EPHB2: variants seen among roughly 807,000 people sequenced by gnomAD.
The protein encoded by EPHB2 is EPH receptor B2.
Under a neutral mutation model 96.4 loss-of-function variants are expected in EPHB2, and 18 were observed. The ratio of observed to expected loss-of-function variants is 0.19; its 90% CI spans 0.13 to 0.28. EPHB2 has a LOEUF of 0.28. Ranked by LOEUF, EPHB2 falls within the 10% of genes least tolerant of loss-of-function variation. EPHB2 has a pLI of 1.00. For synonymous variants in EPHB2, 506 were observed against 534.1 expected (o/e 0.95, Z 0.72); for missense variants, 989 against 1,355.4 (o/e 0.73, Z 4.25).
At chr1:22,723,152 C>T (rs1422784579) in intron 1 of EPHB2, among the ~76,000 whole-genome samples, 4 of 152,138 alleles carry the variant, frequency 2.6e-5, no homozygotes, top group Non-Finnish European at 5.9e-5. Flanking sequence ...CATGGGAAGC[C>T]GGAAGGACAA....
intron 1 of EPHB2, among the ~76,000 whole-genome samples, chr1:22,764,082 G>T (rs889228916): frequency 6.6e-6 from 1 of 152,146 alleles, no homozygotes; most frequent in Non-Finnish European, 1.5e-5. Context: ...CTGTTGCTAC[G>T]TAAGGCAACA....
chr1:22,769,930 G>T (rs1473133479), intron 1 of EPHB2, among the ~76,000 whole-genome samples: 1 of 152,224 alleles, frequency 6.6e-6, no homozygotes, highest in East Asian at 1.9e-4. Context: ...GGGATGCTGG[G>T]CATAGGGGTG....
intron 1 of EPHB2, among the ~76,000 whole-genome samples, chr1:22,720,663 C>CCCCCT (rs927979953): frequency 1.0e-5 from 1 of 99,194 alleles, no homozygotes; most frequent in Non-Finnish European, 2.2e-5. Flanking sequence ...ATCTCATTCC[C>CCCCCT]CCCCCCCCCC....
intron 5 of EPHB2, among the ~76,000 whole-genome samples, chr1:22,876,093 C>T (rs1007700831): frequency 7.9e-5 from 12 of 152,076 alleles, no homozygotes; most frequent in African/African-American, 2.7e-4. Flanking sequence ...AGTGGGAAGC[C>T]GCTGAGGGTC....
intron 3 of EPHB2, among the ~76,000 whole-genome samples, chr1:22,822,540 T>C (rs1019125584): frequency 3.9e-5 from 6 of 152,254 alleles, no homozygotes; most frequent in African/African-American, 4.8e-5. Flanking sequence ...GTCTCTTAAA[T>C]TCCTTCTTCC....
At chr1:22,754,388 C>T (rs1053471642) in intron 1 of EPHB2, among the ~76,000 whole-genome samples, 4 of 152,188 alleles carry the variant, frequency 2.6e-5, no homozygotes, top group African/African-American at 9.7e-5. Context: ...ACACCAGCAT[C>T]TCTTGACACC....
At chr1:22,869,136 C>G (rs780372925) in intron 5 of EPHB2, among the ~76,000 whole-genome samples, 2 of 151,988 alleles carry the variant, frequency 1.3e-5, no homozygotes, top group Non-Finnish European at 2.9e-5. Flanking sequence ...CCTTGTCTTA[C>G]AGCTGCTCAG....
intron 3 of EPHB2, among the ~76,000 whole-genome samples, chr1:22,833,911 T>C (rs1327202666): frequency 6.6e-6 from 1 of 152,100 alleles, no homozygotes; most frequent in Non-Finnish European, 1.5e-5. Context: ...GCAAATATTC[T>C]CTAGAATAAA....
chr1:22,839,285 A>C (rs1394203037), intron 3 of EPHB2, among the ~76,000 whole-genome samples: 1 of 152,098 alleles, frequency 6.6e-6, no homozygotes, highest in Non-Finnish European at 1.5e-5. Flanking sequence ...ATGCATACCA[A>C]CCCTAAATCC....
chr1:22,886,856 C>T (rs928607112), intron 6 of EPHB2, among the ~76,000 whole-genome samples: 6 of 151,946 alleles, frequency 3.9e-5, no homozygotes, highest in Non-Finnish European at 8.8e-5. Flanking sequence ...AAACTTCTGA[C>T]CTCAGGTGAT....
At chr1:22,809,120 G>A (rs866490412) in intron 3 of EPHB2, among the ~76,000 whole-genome samples, 3 of 152,348 alleles carry the variant, frequency 2.0e-5, no homozygotes, top group Middle Eastern at 6.8e-3. Flanking sequence ...GCCTCTGCAG[G>A]CCCTTTTAAG....
At chr1:22,718,595 G>A (rs1643354082) in intron 1 of EPHB2, among the ~76,000 whole-genome samples, 1 of 151,858 alleles carries the variant, frequency 6.6e-6, no homozygotes, top group Non-Finnish European at 1.5e-5. Flanking sequence ...CACTATGTTG[G>A]TCAGGCTGGT....
rs372620832 is a variant in EPHB2, at chr1:22,863,044, A to G, written c.819A>G (p.Pro273=). Residue 273 remains proline (P), a synonymous_variant, in exon 4 of 16, where the codon CCA becomes CCG. Transcript: ENST00000374630. ...CCTTGTCTTCTCTCTCAGGTTGTCC[A>G]TCTGGGACTTTCAAGGCCAACCAAG... ...VENGTVCRGC[P]SGTFKANQGD... 48 of 1,614,134 alleles carry G rather than the reference A, an allele frequency of 3.0e-5. No individual in the cohort carries two copies. The highest frequency in any genetic ancestry group is 3.7e-5 in the Non-Finnish European group (44 of 1,180,026).
chr1:22,859,353 G>A (rs1214198423), intron 3 of EPHB2, among the ~76,000 whole-genome samples: 1 of 151,776 alleles, frequency 6.6e-6, no homozygotes, highest in Non-Finnish European at 1.5e-5. Context: ...CACTGAGGTA[G>A]GAGTGGTGGG....
rs1164385741 is a variant in EPHB2 at position 22,784,081 on chromosome 1, G to A, written c.127-311G>A. Among the ~76,000 whole-genome samples, 1 of 152,126 alleles carries A rather than the reference G, an allele frequency of 6.6e-6. No individual in the cohort carries two copies. The highest frequency in any genetic ancestry group is 2.4e-5 in the African/African-American group (1 of 41,398). On this transcript the variant is annotated intron_variant, in intron 2 of 15. Transcript: ENST00000374630. This position sits in a 1 kb window ranked among gnomAD's most constrained non-coding sequence, Gnocchi z 5.1. Reference sequence around the variant, plus strand: ...TCATCAGAAGGAGCTCCCTAAGTGGGGAAGGGTTCTCCCTATTTTCCCCTT... The same window carrying A: ...TCATCAGAAGGAGCTCCCTAAGTGGAGAAGGGTTCTCCCTATTTTCCCCTT...
At position 22,760,574 on chromosome 1, in the gene EPHB2, C is replaced by T. The variant is rs574507224; in HGVS notation, c.62-20847C>T. 1.8e-4 allele frequency among the ~76,000 whole-genome samples: 27 copies of T among 152,340 alleles called. No individual in the cohort carries two copies. In the South Asian group the frequency reaches 5.4e-3, roughly 30 times the overall value. On this transcript the variant is annotated intron_variant, in intron 1 of 15. Transcript: ENST00000374630. Reference sequence around the variant, plus strand: ...CCCAAAGCTGAAAAGCTGAGCTCCTCAGAGTCTGCCTCATGTCATCCTGGC... The same window carrying T: ...CCCAAAGCTGAAAAGCTGAGCTCCTTAGAGTCTGCCTCATGTCATCCTGGC...
chr1:22,763,752 G>T (rs1015142822), intron 1 of EPHB2, among the ~76,000 whole-genome samples: 2 of 152,156 alleles, frequency 1.3e-5, no homozygotes, highest in Non-Finnish European at 2.9e-5. Flanking sequence ...AGCCCTGGAG[G>T]TTAGACTTCT....
At chr1:22,895,978 G>A (rs1639546707) in intron 8 of EPHB2, among the ~76,000 whole-genome samples, 1 of 152,350 alleles carries the variant, frequency 6.6e-6, no homozygotes, top group African/African-American at 2.4e-5. Context: ...GGAGGAGGGG[G>A]GAGGGACCTC....
chr1:22,767,137 C>T (rs1453431322), intron 1 of EPHB2, among the ~76,000 whole-genome samples: 2 of 152,244 alleles, frequency 1.3e-5, no homozygotes, highest in Non-Finnish European at 2.9e-5. Context: ...CTTCATCCTC[C>T]ACTTAGCAGC....
Sources: gnomAD v4.1 joint callset for allele counts (sites outside exome capture counted in the v4.1 genomes callset) on GRCh38, gnomAD v4.1.1 for gene constraint, Gnocchi (gnomAD v3.1) non-coding constraint, MANE v1.5 for transcripts, NCBI Gene and HGNC (gene_info 2026-07-23, HGNC 2026-07-21) for gene names.